Variants in ELP1 observed in about 807,000 individuals in gnomAD.
ELP1 encodes elongator acetyltransferase complex subunit 1.
ELP1 carries 131 observed loss-of-function variants against 183.2 expected under a neutral mutation model. The ratio of observed to expected loss-of-function variants is 0.72; its 90% CI spans 0.62 to 0.83. The LOEUF (loss-of-function observed/expected upper bound fraction) is 0.83. Among genes scored for constraint, ELP1 ranks in the 40% least tolerant of loss-of-function variants. The pLI, the probability that ELP1 is intolerant of heterozygous loss-of-function variation, is 0.00. For synonymous variants in ELP1, 555 were observed against 569.0 expected (o/e 0.98, Z 0.35); for missense variants, 1,550 against 1,594.9 (o/e 0.97, Z 0.48).
In ELP1 at chr9:108,930,994, T is replaced by C. The variant is rs760208051; in HGVS notation, c.150+3A>G. ...ATGCTGGCATTCTACATCAGTAACT[T>C]ACTTCTCTTGAGACAGGGTCTACTT... On this transcript the variant is annotated splice_donor_region_variant and intron_variant, in intron 2 of 36. Transcript: ENST00000374647. 3.7e-6 allele frequency: 6 copies of C among 1,614,112 alleles called. No homozygotes were observed. In the Admixed American group the frequency reaches 1.0e-4, roughly 27 times the overall value.
At chr9:108,891,970 A>G (rs1828355809) in intron 27 of ELP1, among the ~76,000 whole-genome samples, 1 of 152,186 alleles carries the variant, frequency 6.6e-6, no homozygotes, top group South Asian at 2.1e-4. Context: ...TAGAGCAGAG[A>G]GAGTGTGGAA....
chr9:108,902,768 C>T (rs1828858804), intron 16 of ELP1, 71 bp downstream of exon 16: 7 of 1,154,788 alleles, frequency 6.1e-6, no homozygotes, highest in South Asian at 1.2e-5. Flanking sequence ...AAAGCCCACG[C>T]TCTTTCTACT....
intron 13 of ELP1, among the ~76,000 whole-genome samples, chr9:108,907,822 A>G (rs1169598716): frequency 6.6e-6 from 1 of 152,192 alleles, no homozygotes; most frequent in Non-Finnish European, 1.5e-5. Context: ...GAGGTATTCA[A>G]TAACATCCAA....
chr9:108,917,667 G>C lies in ELP1; in HGVS notation c.744C>G (p.Pro248=), dbSNP rs777540385. The change falls in exon 9 of 37, where the codon CCC becomes CCG. Residue 248 remains proline, a synonymous_variant. Coordinates refer to ENST00000374647, the MANE Select transcript of ELP1 (RefSeq NM_003640.5). The part of the protein sequence containing the change: ...AGLGPALAWK[P]SGSLIASTQD... ...GTGTAGATGCAATCAAACTGCCTGA[G>C]GGTCTTAAAGCAAACTCAGAGTGTT... is the stretch of plus-strand genomic sequence containing the variant. 2 of 1,611,164 alleles carry C rather than the reference G, an allele frequency of 1.2e-6. No homozygotes were observed. Among genetic ancestry groups the C allele is most frequent in the Admixed American group, 1.7e-5 (1 of 59,816 alleles).
Position 108,878,792 on chromosome 9 carries a change from C to T in ELP1, c.3573-42G>A, listed in dbSNP as rs200922709. The T allele has an allele frequency of 3.7e-6, 6 of 1,610,044 alleles. No individual in the cohort carries two copies. The East Asian group carries it at 8.9e-5, about 24-fold the overall frequency. ...AGATATTTTTAAGCCTCCTGAGTAG[C>T]TAGGACTACAGGCATGTGCTACCTT... On this transcript the variant is annotated intron_variant, in intron 33 of 36. Transcript: ENST00000374647.
rs1032983542 is a variant in ELP1 at position 108,926,385 on chromosome 9, G to A, written c.466+138C>T. 4 of 732,906 alleles carry A rather than the reference G, an allele frequency of 5.5e-6. No homozygotes were observed. In the African/African-American group the frequency reaches 6.9e-5, roughly 13 times the overall value. The allele number at this position is 732,906 out of a possible 1,614,324, so 45.4% of individuals were successfully genotyped here. On this transcript the variant is annotated intron_variant, in intron 5 of 36. Transcript: ENST00000374647. Reference sequence around the variant, plus strand: ...AGATTTGGGATGGGCTGAAGGAACTGGGCTAATAGACATTTAATAGCTGGG... The same window carrying A: ...AGATTTGGGATGGGCTGAAGGAACTAGGCTAATAGACATTTAATAGCTGGG...
chr9:108,874,521 T>G (rs964917542), intron 36 of ELP1, among the ~76,000 whole-genome samples: 3 of 152,210 alleles, frequency 2.0e-5, no homozygotes, highest in African/African-American at 4.8e-5. Context: ...GCCCCCAAGA[T>G]GCAAAGCATA....
In ELP1 at chr9:108,897,203, T is replaced by G. The variant is rs2230793; in HGVS notation, c.2446A>C (p.Ile816Leu). Reference protein sequence around the residue: ...YLSRDPDGNKIDLVCDAMRAV... With the variant: ...YLSRDPDGNKLDLVCDAMRAV... ...CTCATAGCATCGCAGACAAGGTCTA[T>G]TTTATTCCCGTCAGGATCCCTGGAC... Residue 816 changes from isoleucine (I) to leucine (L), a missense_variant, in exon 23 of 37, where the codon ATA becomes CTA. Coordinates refer to ENST00000374647, the MANE Select transcript of ELP1 (RefSeq NM_003640.5). The G allele has an allele frequency of 0.21, 331,806 of 1,613,558 alleles. 37,443 individuals are homozygous for G. The highest frequency in any genetic ancestry group is 0.44 in the African/African-American group (33,172 of 74,874).
chr9:108,930,862 A>G lies in ELP1; in HGVS notation c.150+135T>C, dbSNP rs139216189. On this transcript the variant is annotated intron_variant, in intron 2 of 36. Coordinates refer to ENST00000374647, the MANE Select transcript of ELP1 (RefSeq NM_003640.5). ...AAGCTATGTCTAACATGGCATATAT[A>G]TGAAGCAAAAGATGTTTATTTGGGA... is the stretch of plus-strand genomic sequence containing the variant. 6 of 838,724 alleles carry G rather than the reference A, an allele frequency of 7.2e-6. No homozygotes were observed. In the African/African-American group the frequency reaches 8.4e-5, roughly 12 times the overall value. 52.0% of individuals were successfully genotyped at this position (838,724 alleles called of 1,614,324 possible). A position where few individuals can be genotyped will look rare whatever the true frequency, so the allele number is the denominator to read the frequency against.
intron 10 of ELP1, among the ~76,000 whole-genome samples, chr9:108,912,856 G>A (rs111968118): frequency 0.028 from 4,136 of 149,766 alleles, 185 homozygotes; most frequent in African/African-American, 0.097. Flanking sequence ...CCGGGTTCAT[G>A]CCATTCTCCT....
At chr9:108,895,122 G>T (rs745364454) in intron 25 of ELP1, among the ~76,000 whole-genome samples, 1 of 152,146 alleles carries the variant, frequency 6.6e-6, no homozygotes. Flanking sequence ...GGTGGTGCAC[G>T]CCTGTAAGCT....
rs574431100 is a variant in ELP1 at position 108,878,145 on chromosome 9, T to C, written c.3705A>G (p.Glu1235=). The C allele has an allele frequency of 1.2e-6, 2 of 1,605,612 alleles. No individual in the cohort carries two copies. The highest frequency in any genetic ancestry group is 1.7e-5 in the Admixed American group (1 of 60,012). ...AGAGTACCTTTAAAATATGGTATAC[T>C]TCATCTAGAGAGAAGAAATTTGAAA... ...VVQNTENLKD[E]VYHILKVLFL... is the part of the protein sequence containing the mutation. Residue 1235 remains glutamate, a synonymous_variant, in exon 35 of 37, where the codon GAA becomes GAG. Transcript: ENST00000374647.
chr9:108,885,859 T>G (rs1828103442), intron 29 of ELP1, among the ~76,000 whole-genome samples: 1 of 152,066 alleles, frequency 6.6e-6, no homozygotes, highest in African/African-American at 2.4e-5. Context: ...TTGATGGATC[T>G]TGGGGGTATG....
chr9:108,928,986 T>C (rs1209095247), intron 3 of ELP1, among the ~76,000 whole-genome samples: 3 of 152,188 alleles, frequency 2.0e-5, no homozygotes, highest in African/African-American at 7.2e-5. Context: ...TTCTGAAGAA[T>C]AGGAAACAAC....
rs142850721 is a variant in ELP1 at position 108,922,964 on chromosome 9, T to A, written c.467-37A>T. Reference sequence around the variant, plus strand: ...TTGGCAAGACAACTAATAAGCCACATGAAATGAAACAAAAACAGTTTCACT... The same window carrying A: ...TTGGCAAGACAACTAATAAGCCACAAGAAATGAAACAAAAACAGTTTCACT... On this transcript the variant is annotated intron_variant, in intron 5 of 36. Transcript: ENST00000374647. 2.0e-5 allele frequency: 29 copies of A among 1,472,822 alleles called. No individual in the cohort carries two copies. In the East Asian group the frequency reaches 6.3e-4, roughly 32 times the overall value. 91.2% of individuals were successfully genotyped at this position (1,472,822 alleles called of 1,614,324 possible). A position where few individuals can be genotyped will look rare whatever the true frequency, so the allele number is the denominator to read the frequency against.
In ELP1 at chr9:108,878,674, C is replaced by T. The variant is rs1827793180; in HGVS notation, c.3649G>A (p.Ala1217Thr). The part of the protein sequence containing the change: ...LKEGSPLEDL[A>T]LLEALSEVVQ... ...ACTTCACTCAGTGCCTCCAGGAGGG[C>T]CAGGTCCTCCAGCGGACTGCCTTCT... Residue 1217 changes from alanine (A) to threonine (T), a missense_variant, in exon 34 of 37, where the codon GCC (alanine) becomes ACC (threonine). Ala to Thr is a moderately conservative substitution (Grantham distance 58). Coordinates refer to ENST00000374647, the MANE Select transcript of ELP1 (RefSeq NM_003640.5). The T allele has an allele frequency of 1.2e-6, 2 of 1,614,220 alleles. No homozygotes were observed. The highest frequency in any genetic ancestry group is 2.2e-5 in the East Asian group (1 of 44,888).
chr9:108,870,149 TAG>T (rs1310950093), intron 36 of ELP1, among the ~76,000 whole-genome samples: 1 of 151,980 alleles, frequency 6.6e-6, no homozygotes, highest in Non-Finnish European at 1.5e-5. Context: ...CTAATTTCTG[TAG>T]AGACAAGGTT....
rs932033762 is a variant in ELP1 at position 108,930,854 on chromosome 9, G to A, written c.150+143C>T. The A allele has an allele frequency of 6.4e-6, 5 of 786,032 alleles. No homozygotes were observed. The African/African-American group carries it at 8.6e-5, about 13-fold the overall frequency. 48.7% of individuals were successfully genotyped at this position (786,032 alleles called of 1,614,324 possible). On this transcript the variant is annotated intron_variant, in intron 2 of 36. Coordinates refer to ENST00000374647, the MANE Select transcript of ELP1 (RefSeq NM_003640.5). The stretch of plus-strand genomic sequence containing the variant: ...TACGATTTAAGCTATGTCTAACATG[G>A]CATATATATGAAGCAAAAGATGTTT...
At chr9:108,896,727 T>C in intron 24 of ELP1, 83 bp from the exon 25 acceptor site, 2 of 1,369,082 alleles carry the variant, frequency 1.5e-6, no homozygotes, top group Non-Finnish European at 2.1e-6. Context: ...AAAAAGACAA[T>C]AAATTTTTCT....
Sources: allele counts gnomAD v4.1 joint callset (sites outside exome capture counted in the v4.1 genomes callset), GRCh38; gene constraint gnomAD v4.1.1; transcripts MANE v1.5; gene names NCBI Gene and HGNC (gene_info 2026-07-23, HGNC 2026-07-21).